The following CXCL13 variants were observed in gnomAD, a reference collection of about 807,000 sequenced individuals.
The protein encoded by CXCL13 is C-X-C motif chemokine ligand 13, also known as C-X-C motif chemokine 13.
In CXCL13, 7 loss-of-function variants were observed where a neutral mutation model predicts 12.2. That is an observed-to-expected ratio of 0.57 (90% confidence interval 0.33 to 1.07). The LOEUF (loss-of-function observed/expected upper bound fraction) is 1.07, where lower values mean the gene tolerates loss of function less well. Among genes scored for constraint, CXCL13 ranks in the 50% least tolerant of loss-of-function variants. The pLI is 0.04. For missense variants in CXCL13, 113 were observed against 127.4 expected (o/e 0.89, Z 0.55); for synonymous variants, 47 against 42.4 (o/e 1.11, Z -0.42).
At chr4:77,525,575 G>A (rs753478251) in intron 1 of CXCL13, among the ~76,000 whole-genome samples, 18 of 152,000 alleles carry the variant, frequency 1.2e-4, no homozygotes, top group Non-Finnish European at 2.2e-4. Flanking sequence ...TCAGCAAAAT[G>A]CGTGAATGTT....
At chr4:77,516,931 C>T (rs1724436121) in intron 1 of CXCL13, among the ~76,000 whole-genome samples, 1 of 152,060 alleles carries the variant, frequency 6.6e-6, no homozygotes, top group Non-Finnish European at 1.5e-5. Flanking sequence ...CCTGCTTTCT[C>T]TTGTGGGCAT....
At chr4:77,543,028 T>C (rs753118896) in intron 1 of CXCL13, among the ~76,000 whole-genome samples, 1 of 152,086 alleles carries the variant, frequency 6.6e-6, no homozygotes, top group Non-Finnish European at 1.5e-5. Context: ...TTATTACTGA[T>C]TGTATTTTGG....
At chr4:77,547,038 A>G (rs187873946) in intron 1 of CXCL13, among the ~76,000 whole-genome samples, 133 of 152,290 alleles carry the variant, frequency 8.7e-4, no homozygotes, top group African/African-American at 3.0e-3. Flanking sequence ...GTTTCCATGT[A>G]GTTGTGCAGT....
intron 1 of CXCL13, among the ~76,000 whole-genome samples, chr4:77,546,979 G>A (rs1271814134): frequency 6.6e-6 from 1 of 152,146 alleles, no homozygotes; most frequent in Non-Finnish European, 1.5e-5. Context: ...CTTTATTTCT[G>A]CCTTCATTTC....
At chr4:77,585,158 G>GC (rs1286057085) in intron 1 of CXCL13, among the ~76,000 whole-genome samples, 1 of 152,124 alleles carries the variant, frequency 6.6e-6, no homozygotes, top group Non-Finnish European at 1.5e-5. Context: ...CTGGAAACAG[G>GC]CTTTATCAAA....
chr4:77,524,343 G>A (rs764554830), intron 1 of CXCL13, among the ~76,000 whole-genome samples: 1 of 152,230 alleles, frequency 6.6e-6, no homozygotes, highest in Non-Finnish European at 1.5e-5. Flanking sequence ...CAGAGGTGGA[G>A]TCTATAGAGG....
At chr4:77,605,133 G>T (rs1430892840), upstream of CXCL13, among the ~76,000 whole-genome samples, 1 of 152,052 alleles carries the variant, frequency 6.6e-6, no homozygotes. Flanking sequence ...ACTTGCACAC[G>T]ACAGCCAGAG....
chr4:77,606,046 C>G lies in CXCL13; in HGVS notation c.64+117C>G, dbSNP rs1247711694. On this transcript the variant is annotated intron_variant, in intron 1 of 3. Transcript: ENST00000682537. ...CTGACTAAAGGGGGAAAAAACTGCT[C>G]TGTTCCTTCTAGATTTCTCAAAGTA... 4 of 528,840 alleles carry G rather than the reference C, an allele frequency of 7.6e-6. No individual in the cohort carries two copies. The East Asian group carries it at 1.2e-4, about 16-fold the overall frequency. 32.8% of individuals were successfully genotyped at this position (528,840 alleles called of 1,614,324 possible).
chr4:77,596,960 G>A lies in CXCL13; in HGVS notation c.-42-8864G>A, dbSNP rs540296635. On this transcript the variant is annotated intron_variant, in intron 1 of 4. Coordinates refer to the CXCL13 transcript ENST00000286758. The stretch of plus-strand genomic sequence containing the variant: ...AAAGAAAAATGTGATCTATACATGC[G>A]GTGGAGTATTATTCAGCCTTTAAAA... 5.9e-5 allele frequency among the ~76,000 whole-genome samples: 9 copies of A among 152,208 alleles called. No individual in the cohort carries two copies. The East Asian group carries it at 1.2e-3, about 20-fold the overall frequency.
At chr4:77,533,204 G>A (rs781146405) in intron 1 of CXCL13, among the ~76,000 whole-genome samples, 1 of 152,176 alleles carries the variant, frequency 6.6e-6, no homozygotes, top group Non-Finnish European at 1.5e-5. Flanking sequence ...AAGTACAGAT[G>A]GGGTTTTGGT....
intron 1 of CXCL13, among the ~76,000 whole-genome samples, chr4:77,517,078 C>T (rs1419070064): frequency 6.6e-6 from 1 of 152,142 alleles, no homozygotes; most frequent in Non-Finnish European, 1.5e-5. Context: ...AGTAGTCATT[C>T]AGGAGCAGGT....
chr4:77,599,853 A>T (rs1726852047), intron 1 of CXCL13, among the ~76,000 whole-genome samples: 2 of 152,194 alleles, frequency 1.3e-5, no homozygotes, highest in Non-Finnish European at 2.9e-5. Flanking sequence ...AAGCTATTGA[A>T]GTAGTTGGAC....
intron 1 of CXCL13, among the ~76,000 whole-genome samples, chr4:77,533,957 G>C (rs1215478252): frequency 1.3e-5 from 2 of 152,174 alleles, no homozygotes; most frequent in African/African-American, 4.8e-5. Context: ...TTAGGAAAGG[G>C]AATTCCCTGA....
chr4:77,526,893 A>T (rs892338616), intron 1 of CXCL13, among the ~76,000 whole-genome samples: 2 of 152,054 alleles, frequency 1.3e-5, no homozygotes, highest in Non-Finnish European at 2.9e-5. Flanking sequence ...TCACAGGGCC[A>T]CTCTTCTTCC....
At chr4:77,549,228 G>C (rs1307609080) in intron 1 of CXCL13, among the ~76,000 whole-genome samples, 3 of 152,152 alleles carry the variant, frequency 2.0e-5, no homozygotes, top group African/African-American at 4.8e-5. Context: ...ATCCTAGTTA[G>C]CCATTCTTCT....
At chr4:77,528,856 G>A (rs1724836549) in intron 1 of CXCL13, among the ~76,000 whole-genome samples, 1 of 152,206 alleles carries the variant, frequency 6.6e-6, no homozygotes, top group African/African-American at 2.4e-5. Context: ...CCTTGCCCAT[G>A]CCTATGTCCT....
intron 1 of CXCL13, among the ~76,000 whole-genome samples, chr4:77,578,109 T>C (rs372920068): frequency 6.6e-6 from 1 of 152,162 alleles, no homozygotes; most frequent in Non-Finnish European, 1.5e-5. Flanking sequence ...AAGTCCTTTT[T>C]TACCAGTCAG....
At chr4:77,545,425 A>G (rs1001279742) in intron 1 of CXCL13, among the ~76,000 whole-genome samples, 3 of 152,066 alleles carry the variant, frequency 2.0e-5, no homozygotes, top group Non-Finnish European at 4.4e-5. Context: ...TATTTCCTTG[A>G]GCAGTGGTTT....
chr4:77,535,053 A>G (rs1022836483), intron 1 of CXCL13, among the ~76,000 whole-genome samples: 8 of 152,214 alleles, frequency 5.3e-5, no homozygotes, highest in Non-Finnish European at 1.2e-4. Context: ...TGGCTTTTTC[A>G]TGGCTAAAAT....
Sources: gnomAD v4.1 joint callset for allele counts (sites outside exome capture counted in the v4.1 genomes callset) on GRCh38, gnomAD v4.1.1 for gene constraint, MANE v1.5 for transcripts, NCBI Gene and HGNC (gene_info 2026-07-23, HGNC 2026-07-21) for gene names.